The following TFB1M variants were observed in gnomAD, a reference collection of about 807,000 sequenced individuals.
TFB1M encodes dimethyladenosine transferase 1, mitochondrial.
In TFB1M, 27 loss-of-function variants were observed where a neutral mutation model predicts 31.1. The ratio of observed to expected loss-of-function variants is 0.87; its 90% CI spans 0.64 to 1.20. The LOEUF is 1.20. Ranked by LOEUF, TFB1M falls within the 50% of genes most tolerant of loss-of-function variation. TFB1M has a pLI of 0.00. For missense variants in TFB1M, 394 were observed against 418.7 expected (o/e 0.94, Z 0.51); for synonymous variants, 166 against 151.8 (o/e 1.09, Z -0.69).
intron 2 of TFB1M, among the ~76,000 whole-genome samples, chr6:155,306,879 G>C (rs1327994833): frequency 6.6e-6 from 1 of 152,112 alleles, no homozygotes; most frequent in Non-Finnish European, 1.5e-5. Flanking sequence ...CCAGCATCTT[G>C]GGAGACTGAG....
chr6:155,246,117 C>A, the TFB1M span, among the ~76,000 whole-genome samples: 1 of 151,320 alleles, frequency 6.6e-6, no homozygotes, highest in Non-Finnish European at 1.5e-5. Flanking sequence ...GGAGCCACAA[C>A]AGCCTACCAC....
chr6:155,279,875 C>T (rs1024871919), intron 5 of TFB1M, among the ~76,000 whole-genome samples: 1 of 152,110 alleles, frequency 6.6e-6, no homozygotes, highest in Non-Finnish European at 1.5e-5. Flanking sequence ...ACTCTTATCT[C>T]TATTCAACAC....
chr6:155,313,268 AAG>A (rs1018057412), intron 1 of TFB1M: 15 of 152,228 alleles, frequency 9.9e-5, no homozygotes, highest in African/African-American at 2.9e-4. Flanking sequence ...AAAAAAAAAA[AAG>A]AGAAAACTTG....
intron 6 of TFB1M, among the ~76,000 whole-genome samples, chr6:155,258,634 T>C (rs963216583): frequency 1.3e-5 from 2 of 152,246 alleles, no homozygotes; most frequent in Admixed American, 1.3e-4. Flanking sequence ...TATTTTAAAT[T>C]TCATCTATCC....
chr6:155,253,766 T>C (rs2115363031), downstream of TFB1M: 1 of 503,264 alleles, frequency 2.0e-6, no homozygotes, highest in East Asian at 3.3e-5. Context: ...GAGGAAAATC[T>C]GCAGCAGGAA....
the TFB1M span, chr6:155,248,066 C>T: frequency 1.9e-5 from 31 of 1,614,240 alleles, no homozygotes; most frequent in East Asian, 6.7e-5. Context: ...CATTCCTCCA[C>T]GCTGGAGTCC....
In TFB1M at chr6:155,257,392, C is replaced by CTAATAATTAAGT. The variant is rs768169555; in HGVS notation, c.*432_*443dup. 2.7e-5 allele frequency: 11 copies of CTAATAATTAAGT among 407,478 alleles called. No individual in the cohort carries two copies. The highest frequency in any genetic ancestry group is 4.3e-5 in the Admixed American group (1 of 23,152). 25.2% of individuals were successfully genotyped at this position (407,478 alleles called of 1,614,324 possible). A position where few individuals can be genotyped will look rare whatever the true frequency, so the allele number is the denominator to read the frequency against. ...GATTTAGGATCCTTAAAATTACATT[C>CTAATAATTAAGT]TAATAATTAAGTTATGTGGAAAAAG... On this transcript the variant is annotated 3_prime_UTR_variant, in exon 7 of 7. Transcript: ENST00000367166.
intron 1 of TFB1M, among the ~76,000 whole-genome samples, chr6:155,312,809 C>T (rs1047426226): frequency 1.3e-5 from 2 of 151,904 alleles, no homozygotes; most frequent in Non-Finnish European, 2.9e-5. Flanking sequence ...AATACACAGA[C>T]CTATAACTTC....
chr6:155,304,154 C>A (rs527947469), intron 2 of TFB1M, among the ~76,000 whole-genome samples: 4 of 152,120 alleles, frequency 2.6e-5, no homozygotes, highest in African/African-American at 4.8e-5. Flanking sequence ...TGGTAGCGGG[C>A]GCCTGTAATT....
chr6:155,267,691 C>T (rs1361374543), intron 5 of TFB1M, among the ~76,000 whole-genome samples: 20 of 152,078 alleles, frequency 1.3e-4, no homozygotes, highest in Admixed American at 1.2e-3. Context: ...GGAGCAGGTG[C>T]GACAGTGCTA....
At chr6:155,254,324 A>G, downstream of TFB1M, 1 of 1,508,664 alleles carries the variant, frequency 6.6e-7, no homozygotes, top group South Asian at 1.3e-5. Context: ...AGCCTGGTCC[A>G]GCAGGTGCAA....
At chr6:155,276,043 A>C in intron 5 of TFB1M, 1 of 1,614,110 alleles carries the variant, frequency 6.2e-7, no homozygotes, top group Non-Finnish European at 8.5e-7. Context: ...CTCGCTTAGG[A>C]GGGGACAGAG....
intron 2 of TFB1M, 31 bp downstream of exon 2, chr6:155,311,157 C>G (rs1777998736): frequency 6.2e-7 from 1 of 1,612,438 alleles, no homozygotes; most frequent in Non-Finnish European, 8.5e-7. Context: ...TCAGCTTTTG[C>G]CTCCTAAAGC....
chr6:155,254,171 TC>T, downstream of TFB1M: 1 of 1,209,958 alleles, frequency 8.3e-7, no homozygotes, highest in Non-Finnish European at 1.2e-6. Context: ...AGGGTCATAC[TC>T]CCCACCCTCC....
the TFB1M span, among the ~76,000 whole-genome samples, chr6:155,234,003 T>TTGGG: frequency 6.8e-6 from 1 of 147,258 alleles, no homozygotes; most frequent in Non-Finnish European, 1.5e-5. Flanking sequence ...AAATTTTTTT[T>TTGGG]GGGGGGGGGT....
intron 4 of TFB1M, among the ~76,000 whole-genome samples, chr6:155,293,384 G>C (rs745817183): frequency 6.6e-6 from 1 of 152,042 alleles, no homozygotes; most frequent in African/African-American, 2.4e-5. Context: ...TCTAGTAATT[G>C]CTCTGTCACG....
chr6:155,247,472 G>A, the TFB1M span, among the ~76,000 whole-genome samples: 1 of 152,032 alleles, frequency 6.6e-6, no homozygotes. Context: ...GGGATTAGAG[G>A]CGCCCACCAC....
At chr6:155,231,023 G>A in the TFB1M span, among the ~76,000 whole-genome samples, 18 of 150,236 alleles carry the variant, frequency 1.2e-4, no homozygotes, top group Non-Finnish European at 2.2e-4. Flanking sequence ...TGTATTTTTA[G>A]TAGAGATGGG....
chr6:155,301,551 T>C (rs953287509), intron 2 of TFB1M, among the ~76,000 whole-genome samples: 1 of 152,246 alleles, frequency 6.6e-6, no homozygotes, highest in Admixed American at 6.5e-5. Context: ...TTTCACAGAA[T>C]GTGCTTAAAG....
Sources: gnomAD v4.1 joint callset for allele counts (sites outside exome capture counted in the v4.1 genomes callset) on GRCh38, gnomAD v4.1.1 for gene constraint, MANE v1.5 for transcripts, NCBI Gene and HGNC (gene_info 2026-07-23, HGNC 2026-07-21) for gene names.